Variants in FAT3 observed in about 807,000 individuals in gnomAD.
The protein encoded by FAT3 is protocadherin Fat 3.
FAT3 carries 95 observed loss-of-function variants against 310.2 expected under a neutral mutation model. The observed-to-expected ratio is 0.31, with a 90% CI of 0.26 to 0.36. The LOEUF (loss-of-function observed/expected upper bound fraction) is 0.36, where lower values mean the gene tolerates loss of function less well. FAT3 is among the 10% of genes least tolerant of loss of function. The probability of loss-of-function intolerance (pLI) is 1.00; values close to 1 mark genes in which losing one functional copy is unlikely to be tolerated. For synonymous variants in FAT3, 2,314 were observed against 2,192.9 expected, an observed-to-expected ratio of 1.06 and a Z score of -1.54; for missense variants, 5,408 against 5,715.6, an observed-to-expected ratio of 0.95 and a Z score of 1.74.
At chr11:92,376,112 A>G (rs1038925466) in intron 2 of FAT3, among the ~76,000 whole-genome samples, 2 of 152,192 alleles carry the variant, frequency 1.3e-5, no homozygotes, top group African/African-American at 4.8e-5. Flanking sequence ...AATAAATAGA[A>G]AGCATCCCCT....
rs931776478 is a variant in FAT3 at position 92,893,963 on chromosome 11, G to A, written c.*2850G>A. 2.6e-5 allele frequency: 4 copies of A among 152,186 alleles called. No individual in the cohort carries two copies. The highest frequency in any genetic ancestry group is 6.5e-5 in the Admixed American group (1 of 15,286). 9.4% of individuals were successfully genotyped at this position (152,186 alleles called of 1,614,324 possible). On this transcript the variant is annotated 3_prime_UTR_variant, in exon 28 of 28. Coordinates refer to ENST00000525166, the MANE Select transcript of FAT3 (RefSeq NM_001367949.2). ...GGAAAGAGACTTGCCCAAGCCCACA[G>A]AGGAAGTTAATTCGCTTAACAAGGA...
chr11:92,431,534 T>G (rs867503956), intron 2 of FAT3, among the ~76,000 whole-genome samples: 17 of 152,152 alleles, frequency 1.1e-4, no homozygotes, highest in African/African-American at 4.1e-4. Context: ...CATTTGTCAA[T>G]TTTGGCTTTT....
At chr11:92,399,842 C>T (rs1018430132) in intron 2 of FAT3, among the ~76,000 whole-genome samples, 2 of 152,150 alleles carry the variant, frequency 1.3e-5, no homozygotes, top group African/African-American at 4.8e-5. Flanking sequence ...CCTTCTGTAG[C>T]ACTAATATCC....
At chr11:92,237,218 G>A (rs1255987547) in intron 1 of FAT3, among the ~76,000 whole-genome samples, 1 of 152,146 alleles carries the variant, frequency 6.6e-6, no homozygotes, top group Admixed American at 6.5e-5. Context: ...AAGGCAGAGA[G>A]TTAATTCACA....
At chr11:92,699,359 G>A (rs1373586288) in intron 4 of FAT3, among the ~76,000 whole-genome samples, 1 of 152,132 alleles carries the variant, frequency 6.6e-6, no homozygotes, top group African/African-American at 2.4e-5. Context: ...GAATTAGAAT[G>A]GTTCTAGCAT....
intron 4 of FAT3, among the ~76,000 whole-genome samples, chr11:92,729,589 G>C (rs1404000557): frequency 2.0e-5 from 3 of 151,850 alleles, no homozygotes; most frequent in Non-Finnish European, 4.4e-5. Flanking sequence ...CCCGTGCCTG[G>C]CTAATTTTTT....
At chr11:92,540,505 A>C (rs1954411124) in intron 3 of FAT3, among the ~76,000 whole-genome samples, 1 of 152,156 alleles carries the variant, frequency 6.6e-6, no homozygotes, top group Non-Finnish European at 1.5e-5. Flanking sequence ...TTAATCATAG[A>C]GGGTAAGAAA....
intron 3 of FAT3, among the ~76,000 whole-genome samples, chr11:92,661,189 T>A (rs1446926330): frequency 6.6e-6 from 1 of 152,148 alleles, no homozygotes; most frequent in Admixed American, 6.6e-5. Context: ...AGAAGAAGGG[T>A]GGCTTTCCAG....
At chr11:92,816,513 T>C (rs1470987744) in intron 13 of FAT3, among the ~76,000 whole-genome samples, 3 of 151,994 alleles carry the variant, frequency 2.0e-5, no homozygotes, top group Admixed American at 6.6e-5. Context: ...CAGGGACACA[T>C]AGGGGAGGAC....
intron 19 of FAT3, among the ~76,000 whole-genome samples, chr11:92,854,953 A>G (rs915067184): frequency 2.6e-5 from 4 of 152,226 alleles, no homozygotes; most frequent in African/African-American, 9.6e-5. Flanking sequence ...TTAAATACAT[A>G]AGCTGCTGTT....
intron 2 of FAT3, among the ~76,000 whole-genome samples, chr11:92,483,326 T>C (rs1037103300): frequency 6.6e-6 from 1 of 152,014 alleles, no homozygotes; most frequent in Non-Finnish European, 1.5e-5. Flanking sequence ...ATTTCTTTTT[T>C]TTTTCTTTTC....
chr11:92,332,658 G>A (rs1488259059), intron 1 of FAT3, among the ~76,000 whole-genome samples: 1 of 151,928 alleles, frequency 6.6e-6, no homozygotes, highest in Non-Finnish European at 1.5e-5. Context: ...TTAAAACTCA[G>A]TTTTACCATC....
chr11:92,424,400 C>T (rs879478932), intron 2 of FAT3, among the ~76,000 whole-genome samples: 2 of 152,124 alleles, frequency 1.3e-5, no homozygotes, highest in Admixed American at 1.3e-4. Context: ...TCTGCCAAGG[C>T]TACAGTGGTT....
At chr11:92,381,252 G>A (rs1269617875) in intron 2 of FAT3, among the ~76,000 whole-genome samples, 2 of 152,184 alleles carry the variant, frequency 1.3e-5, no homozygotes, top group Non-Finnish European at 2.9e-5. Flanking sequence ...GCTCACGCCT[G>A]TAATCCCAGC....
At chr11:92,879,373 C>T (rs935784166) in intron 22 of FAT3, among the ~76,000 whole-genome samples, 1 of 152,086 alleles carries the variant, frequency 6.6e-6, no homozygotes, top group African/African-American at 2.4e-5. Context: ...CAGGGTGAAG[C>T]CAGTCAGAGG....
Position 92,805,211 on chromosome 11 carries a change from T to A in FAT3, c.8955T>A (p.Tyr2985Ter), listed in dbSNP as rs1437061113. 1 of 1,613,720 alleles carries A rather than the reference T, an allele frequency of 6.2e-7. No homozygotes were observed. The highest frequency in any genetic ancestry group is 8.5e-7 in the Non-Finnish European group (1 of 1,179,820). Residue 2985 changes from tyrosine to a stop codon, truncating the protein, a stop_gained, in exon 11 of 28, where the codon TAT (tyrosine) becomes TAA (stop). Coordinates refer to ENST00000525166, the MANE Select transcript of FAT3 (RefSeq NM_001367949.2). LOFTEE classifies it high-confidence loss of function. Reference protein sequence around the residue: ...LGLVQSEWKVYVKRPLDREEQ... With the variant: ...LGLVQSEWKV ...TGGTGCAAAGTGAGTGGAAGGTCTA[T>A]GTGAAGAGGCCTCTAGACAGAGAAG...
At chr11:92,722,598 A>C (rs1944894542) in intron 4 of FAT3, among the ~76,000 whole-genome samples, 1 of 152,080 alleles carries the variant, frequency 6.6e-6, no homozygotes, top group South Asian at 2.1e-4. Context: ...GGTGGCTCTG[A>C]CCTCACATTT....
At chr11:92,528,319 A>G (rs140071950) in intron 3 of FAT3, among the ~76,000 whole-genome samples, 77 of 152,318 alleles carry the variant, frequency 5.1e-4, no homozygotes, top group African/African-American at 1.6e-3. Context: ...GTTAAATTCA[A>G]TCAAATGCAG....
rs1565296365 is a variant in FAT3, at chr11:92,412,732, T to TATACATACAC, written c.3292+57331_3292+57332insCATACACATA. 4.5e-4 allele frequency among the ~76,000 whole-genome samples: 8 copies of TATACATACAC among 17,954 alleles called. No homozygotes were observed. The South Asian group carries it at 6.3e-3, about 14-fold the overall frequency. The allele number at this position is 17,954 out of a possible 152,430, so 11.8% of individuals were successfully genotyped here. On this transcript the variant is annotated intron_variant, in intron 2 of 27. Coordinates refer to ENST00000525166, the MANE Select transcript of FAT3 (RefSeq NM_001367949.2). ...ATATATATATATATATATATATATA[T>TATACATACAC]ATATATATATATAAATATACATACA...
Sources: allele counts gnomAD v4.1 joint callset (sites outside exome capture counted in the v4.1 genomes callset), GRCh38; gene constraint gnomAD v4.1.1; transcripts MANE v1.5; gene names NCBI Gene and HGNC (gene_info 2026-07-23, HGNC 2026-07-21).